KIAA1191: variants seen among roughly 807,000 people sequenced by gnomAD.
The protein encoded by KIAA1191 is KIAA1191.
A neutral mutation model predicts 31.1 loss-of-function variants in KIAA1191; 22 were observed. The ratio of observed to expected loss-of-function variants is 0.71; its 90% CI spans 0.51 to 1.01. The LOEUF is 1.01. Ranked by LOEUF, KIAA1191 falls within the 50% of genes least tolerant of loss-of-function variation. The pLI is 0.00. For missense variants in KIAA1191, 319 were observed against 388.0 expected (o/e 0.82, Z 1.49); for synonymous variants, 130 against 143.9 (o/e 0.90, Z 0.69).
intron 6 of KIAA1191, among the ~76,000 whole-genome samples, chr5:176,349,740 T>C (rs769455448): frequency 2.9e-4 from 44 of 152,286 alleles, no homozygotes; most frequent in Non-Finnish European, 5.9e-4. Context: ...TTATGTATAA[T>C]GTATACCATG....
In KIAA1191 at chr5:176,347,738, G is replaced by A. The variant is rs1444592098; in HGVS notation, c.780C>T (p.Ala260=). Residue 260 remains alanine (A), a synonymous_variant, in exon 9 of 9, where the codon GCC becomes GCT. Transcript: ENST00000298569. The stretch of plus-strand genomic sequence containing the variant: ...CTGCTGGATCTTCAGCCATTCGGTT[G>A]GCCTGGGCACGTATCAGTTCCAATG... ...PSPLELIRAQ[A]NRMAEDPAAL... is the part of the protein sequence containing the mutation. 5.0e-6 allele frequency: 8 copies of A among 1,610,364 alleles called. No individual in the cohort carries two copies. The highest frequency in any genetic ancestry group is 1.7e-5 in the Admixed American group (1 of 59,210).
intron 5 of KIAA1191, 120 bp from the exon 6 acceptor site, chr5:176,350,857 A>G: frequency 8.0e-7 from 1 of 1,246,300 alleles, no homozygotes; most frequent in East Asian, 2.4e-5. Flanking sequence ...CATTCAAAGA[A>G]GAGGAGACTT....
chr5:176,347,488 A>G lies in KIAA1191; in HGVS notation c.*112T>C. 2 of 890,252 alleles carry G rather than the reference A, an allele frequency of 2.2e-6. No individual in the cohort carries two copies. The highest frequency in any genetic ancestry group is 2.7e-5 in the South Asian group (1 of 36,844). 55.1% of individuals were successfully genotyped at this position (890,252 alleles called of 1,614,324 possible). ...AGTGCTGGGATTACAGGCGTGAGCC[A>G]CCACGCCCAGCTGATTAAGTTTTTA... On this transcript the variant is annotated 3_prime_UTR_variant, in exon 9 of 9. Transcript: ENST00000298569.
Position 176,355,845 on chromosome 5 carries a change from G to A in KIAA1191, c.29-96C>T. ...GGAAGGAAAGCTCTGAAATACTCTT[G>A]TTCTTGAACAGAGCAAAATAGCTTG... On this transcript the variant is annotated intron_variant, in intron 3 of 8. Coordinates refer to ENST00000298569, the MANE Select transcript of KIAA1191 (RefSeq NM_020444.5). The surrounding 1 kb of genome is among the most constrained non-coding windows in gnomAD (Gnocchi z 4.2). The A allele has an allele frequency of 7.9e-7, 1 of 1,261,218 alleles. No individual in the cohort carries two copies. The highest frequency in any genetic ancestry group is 1.5e-5 in the African/African-American group (1 of 67,638). The allele number at this position is 1,261,218 out of a possible 1,614,324, so 78.1% of individuals were successfully genotyped here. A position where few individuals can be genotyped will look rare whatever the true frequency, so the allele number is the denominator to read the frequency against.
rs948108425 is a variant in KIAA1191 at position 176,355,246 on chromosome 5, AAGG to A, written c.207+322_207+324del. 6.6e-6 allele frequency among the ~76,000 whole-genome samples: 1 copy of A among 152,060 alleles called. No homozygotes were observed. Among genetic ancestry groups the A allele is most frequent in the African/African-American group, 2.4e-5 (1 of 41,370 alleles). Reference sequence around the variant, plus strand: ...AGTTTTGAATTAAAAAGAAAAAAAAAAGGAGGGAGATTTAAAAAACCATCTATT... The same window carrying A: ...AGTTTTGAATTAAAAAGAAAAAAAAAAGGGAGATTTAAAAAACCATCTATT... On this transcript the variant is annotated intron_variant, in intron 4 of 8. Coordinates refer to ENST00000298569, the MANE Select transcript of KIAA1191 (RefSeq NM_020444.5). The surrounding 1 kb of genome is among the most constrained non-coding windows in gnomAD (Gnocchi z 4.2).
At chr5:176,350,005 T>G (rs1404312693) in intron 6 of KIAA1191, among the ~76,000 whole-genome samples, 1 of 152,202 alleles carries the variant, frequency 6.6e-6, no homozygotes, top group Non-Finnish European at 1.5e-5. Context: ...ATCAGGAGAC[T>G]TGGGTTCGGG....
In KIAA1191 at chr5:176,352,736, C is replaced by T; in HGVS notation, c.220G>A (p.Glu74Lys). 1.2e-6 allele frequency: 2 copies of T among 1,613,666 alleles called. No homozygotes were observed. The highest frequency in any genetic ancestry group is 8.5e-7 in the Non-Finnish European group (1 of 1,179,748). The change falls in exon 5 of 9, where the codon GAG (glutamate) becomes AAG (lysine). Residue 74 changes from glutamate to lysine, a missense_variant. Physicochemically the swap from Glu to Lys is moderately conservative, Grantham distance 56 (BLOSUM62 1). Coordinates refer to ENST00000298569, the MANE Select transcript of KIAA1191 (RefSeq NM_020444.5). ...YQHLAKVEEG[E>K]ASLPSPAMTL... is the part of the protein sequence containing the mutation. ...ATGGCAGGGGAGGGTAGACTGGCCT[C>T]TCCTTCCTCCACCTGTTCAAGAGAG...
Position 176,355,768 on chromosome 5 carries a change from G to C in KIAA1191, c.29-19C>G, listed in dbSNP as rs771978997. The C allele has an allele frequency of 1.9e-6, 3 of 1,612,826 alleles. No homozygotes were observed. The highest frequency in any genetic ancestry group is 2.5e-6 in the Non-Finnish European group (3 of 1,178,974). ...TCAAGAGCTAAGAACAGAGACACCT[G>C]TCAAGACAGGTTCAGCAACTGGACA... On this transcript the variant is annotated intron_variant, in intron 3 of 8. Coordinates refer to ENST00000298569, the MANE Select transcript of KIAA1191 (RefSeq NM_020444.5). This position sits in a 1 kb window ranked among gnomAD's most constrained non-coding sequence, Gnocchi z 4.2.
intron 3 of KIAA1191, among the ~76,000 whole-genome samples, 178 bp downstream of exon 3, chr5:176,359,303 A>G (rs574412057): frequency 1.3e-5 from 2 of 152,308 alleles, no homozygotes; most frequent in Non-Finnish European, 2.9e-5. Flanking sequence ...TGGGCAACAG[A>G]GCAAGACTCC....
At chr5:176,360,066 T>C (rs2113520698) in intron 1 of KIAA1191, 148 bp from the exon 2 acceptor site, 1 of 153,738 alleles carries the variant, frequency 6.5e-6, no homozygotes, top group African/African-American at 2.4e-5. Context: ...TCTTTATAGC[T>C]AACACTATAA....
In KIAA1191 at chr5:176,355,425, A is replaced by T; in HGVS notation, c.207+146T>A. The stretch of plus-strand genomic sequence containing the variant: ...AAATAAAATCTTAAAAAAAAAAAAA[A>T]GACAGCTATAACTGAGGCACAGAAA... On this transcript the variant is annotated intron_variant, in intron 4 of 8. Coordinates refer to ENST00000298569, the MANE Select transcript of KIAA1191 (RefSeq NM_020444.5). This position sits in a 1 kb window ranked among gnomAD's most constrained non-coding sequence, Gnocchi z 4.2. 1 of 663,718 alleles carries T rather than the reference A, an allele frequency of 1.5e-6. No individual in the cohort carries two copies. The highest frequency in any genetic ancestry group is 2.6e-5 in the East Asian group (1 of 37,834). The allele number at this position is 663,718 out of a possible 1,614,324, so 41.1% of individuals were successfully genotyped here.
chr5:176,347,714 T>A lies in KIAA1191; in HGVS notation c.804A>T (p.Ala268=). The change falls in exon 9 of 9, where the codon GCA becomes GCT. Residue 268 remains alanine, a synonymous_variant. Coordinates refer to ENST00000298569, the MANE Select transcript of KIAA1191 (RefSeq NM_020444.5). ...TGTCCATCTTGGGGGGCTTCAAGGC[T>A]GCTGGATCTTCAGCCATTCGGTTGG... ...AQANRMAEDP[A]ALKPPKMDIP... The A allele has an allele frequency of 6.2e-7, 1 of 1,609,060 alleles. No homozygotes were observed. The highest frequency in any genetic ancestry group is 1.1e-5 in the South Asian group (1 of 90,178).
At position 176,346,416 on chromosome 5, in the gene KIAA1191, C is replaced by T. The variant is rs2113445126; in HGVS notation, c.*1184G>A. ...CAGGCGTTCCAGGCCCTGACCTGAA[C>T]AAGGAAATCAAAGTAAGTTAACACC... On this transcript the variant is annotated 3_prime_UTR_variant, in exon 9 of 9. Transcript: ENST00000298569. 6.6e-6 allele frequency: 1 copy of T among 152,352 alleles called. No homozygotes were observed. The highest frequency in any genetic ancestry group is 1.5e-5 in the Non-Finnish European group (1 of 68,028). The allele number at this position is 152,352 out of a possible 1,614,324, so 9.4% of individuals were successfully genotyped here.
At position 176,347,098 on chromosome 5, in the gene KIAA1191, C is replaced by T. The variant is rs931765354; in HGVS notation, c.*502G>A. The T allele has an allele frequency of 6.6e-6, 1 of 152,208 alleles. No homozygotes were observed. The highest frequency in any genetic ancestry group is 1.5e-5 in the Non-Finnish European group (1 of 68,066). 9.4% of individuals were successfully genotyped at this position (152,208 alleles called of 1,614,324 possible). A position where few individuals can be genotyped will look rare whatever the true frequency, so the allele number is the denominator to read the frequency against. On this transcript the variant is annotated 3_prime_UTR_variant, in exon 9 of 9. Transcript: ENST00000298569. The stretch of plus-strand genomic sequence containing the variant: ...ATATTAGTCTAACTTTAAAGCAGTA[C>T]AAAATGGCTTCTTCCACACAACAAG...
chr5:176,356,781 A>T (rs938505489), intron 3 of KIAA1191, among the ~76,000 whole-genome samples: 1 of 152,222 alleles, frequency 6.6e-6, no homozygotes, highest in African/African-American at 2.4e-5. Context: ...AAATCATATA[A>T]TAACACTCTC....
intron 6 of KIAA1191, among the ~76,000 whole-genome samples, chr5:176,350,152 G>A (rs1321269265): frequency 1.3e-5 from 2 of 152,202 alleles, no homozygotes; most frequent in Non-Finnish European, 2.9e-5. Flanking sequence ...ACACTATCCA[G>A]TATGAAGCGG....
rs1302469311 is a variant in KIAA1191 at position 176,361,625 on chromosome 5, T to C, written c.-191A>G. 6.6e-6 allele frequency: 1 copy of C among 152,380 alleles called. No individual in the cohort carries two copies. Among genetic ancestry groups the C allele is most frequent in the African/African-American group, 2.4e-5 (1 of 41,460 alleles). 9.4% of individuals were successfully genotyped at this position (152,380 alleles called of 1,614,324 possible). On this transcript the variant is annotated 5_prime_UTR_variant, in exon 1 of 9. Transcript: ENST00000298569. The surrounding 1 kb of genome is among the most constrained non-coding windows in gnomAD (Gnocchi z 4.0). Reference sequence around the variant, plus strand: ...ACCTGTGATCCTGCTGCCGCGGGACTGCCTGCGGCCCGGAGTCCGGCACTA... The same window carrying C: ...ACCTGTGATCCTGCTGCCGCGGGACCGCCTGCGGCCCGGAGTCCGGCACTA...
At position 176,355,877 on chromosome 5, in the gene KIAA1191, A is replaced by G; in HGVS notation, c.29-128T>C. 1 of 901,300 alleles carries G rather than the reference A, an allele frequency of 1.1e-6. No individual in the cohort carries two copies. Among genetic ancestry groups the G allele is most frequent in the Non-Finnish European group, 1.8e-6 (1 of 566,762 alleles). The allele number at this position is 901,300 out of a possible 1,614,324, so 55.8% of individuals were successfully genotyped here. ...AACAGAGCAAAATAGCTTGTTTTGG[A>G]GTAGCTAATCCCATCCAGGAAAGGC... On this transcript the variant is annotated intron_variant, in intron 3 of 8. Coordinates refer to ENST00000298569, the MANE Select transcript of KIAA1191 (RefSeq NM_020444.5). This position sits in a 1 kb window ranked among gnomAD's most constrained non-coding sequence, Gnocchi z 4.2.
At chr5:176,348,550 T>C (rs1766719973) in intron 6 of KIAA1191, among the ~76,000 whole-genome samples, 194 bp from the exon 7 acceptor site, 1 of 148,636 alleles carries the variant, frequency 6.7e-6, no homozygotes, top group African/African-American at 2.5e-5. Context: ...CCTTAAAAAA[T>C]GTGTTCATTC....
Sources: allele counts gnomAD v4.1 joint callset (sites outside exome capture counted in the v4.1 genomes callset), GRCh38; gene constraint gnomAD v4.1.1; non-coding constraint Gnocchi (gnomAD v3.1); transcripts MANE v1.5; gene names NCBI Gene and HGNC (gene_info 2026-07-23, HGNC 2026-07-21).